The following TRMT44 variants were observed in gnomAD, a reference collection of about 807,000 sequenced individuals.
TRMT44 encodes the protein probable tRNA (uracil-O(2)-)-methyltransferase.
Under a neutral mutation model 77.3 loss-of-function variants are expected in TRMT44, and 78 were observed. The observed-to-expected ratio is 1.01, with a 90% CI of 0.84 to 1.22. The LOEUF is 1.22. Among genes scored for constraint, TRMT44 ranks in the 50% most tolerant of loss-of-function variants. TRMT44 has a pLI of 0.00. For synonymous variants in TRMT44, 391 were observed against 383.3 expected (o/e 1.02, Z -0.23); for missense variants, 1,090 against 964.4 (o/e 1.13, Z -1.73).
At position 8,471,191 on chromosome 4, in the gene TRMT44, G is replaced by T. The variant is rs1726969656; in HGVS notation, c.2035G>T (p.Val679Leu). 1 of 1,590,516 alleles carries T rather than the reference G, an allele frequency of 6.3e-7. No individual in the cohort carries two copies. Among genetic ancestry groups the T allele is most frequent in the Non-Finnish European group, 8.6e-7 (1 of 1,168,646 alleles). Residue 679 changes from valine to leucine, a missense_variant, in exon 10 of 11, where the codon GTG becomes TTG. Val to Leu is a conservative substitution (Grantham distance 32, BLOSUM62 1). Coordinates refer to ENST00000389737, the MANE Select transcript of TRMT44 (RefSeq NM_152544.3). ...GACGCTGCTCCGGAACAGCCACCAGGTGTTCCAAGGTACGGAGTCCGCCTC... is the reference window on the plus strand; with the variant it reads ...GACGCTGCTCCGGAACAGCCACCAGTTGTTCCAAGGTACGGAGTCCGCCTC... ...LQTLLRNSHQ[V>L]FQVVNGRVHI...
intron 2 of TRMT44, among the ~76,000 whole-genome samples, chr4:8,483,417 T>TTG (rs1553863252): frequency 2.0e-4 from 30 of 150,058 alleles, no homozygotes; most frequent in African/African-American, 5.7e-4. Context: ...CAAGTTTTTT[T>TTG]GGGGGGGGGC....
intron 2 of TRMT44, among the ~76,000 whole-genome samples, chr4:8,483,095 C>G (rs1044380897): frequency 6.6e-6 from 1 of 151,984 alleles, no homozygotes; most frequent in Non-Finnish European, 1.5e-5. Context: ...GGCCTGGATA[C>G]AGTTTTGTAT....
At chr4:8,441,967 T>C (rs1724746687) in intron 1 of TRMT44, among the ~76,000 whole-genome samples, 1 of 152,204 alleles carries the variant, frequency 6.6e-6, no homozygotes, top group Non-Finnish European at 1.5e-5. Context: ...ATACATGTCA[T>C]CTATAGCAGT....
the TRMT44 span, among the ~76,000 whole-genome samples, chr4:8,513,532 A>G: frequency 4.6e-5 from 7 of 152,228 alleles, no homozygotes; most frequent in Non-Finnish European, 8.8e-5. Flanking sequence ...GTGAAAATGG[A>G]TAAGTCAGAC....
chr4:8,446,423 T>C lies in TRMT44; in HGVS notation c.620-53T>C. On this transcript the variant is annotated intron_variant, in intron 1 of 10. Coordinates refer to ENST00000389737, the MANE Select transcript of TRMT44 (RefSeq NM_152544.3). The surrounding 1 kb of genome is among the most constrained non-coding windows in gnomAD (Gnocchi z 4.3). Reference sequence around the variant, plus strand: ...TCCCTATTTTTAATACTGCTTCTGATGAGACGGTAGCTAGGCAGTTGTAAT... The same window carrying C: ...TCCCTATTTTTAATACTGCTTCTGACGAGACGGTAGCTAGGCAGTTGTAAT... 1 of 1,164,014 alleles carries C rather than the reference T, an allele frequency of 8.6e-7. No individual in the cohort carries two copies. The highest frequency in any genetic ancestry group is 1.2e-6 in the Non-Finnish European group (1 of 810,436). The allele number at this position is 1,164,014 out of a possible 1,614,324, so 72.1% of individuals were successfully genotyped here.
intron 8 of TRMT44, 113 bp downstream of exon 8, chr4:8,465,674 G>C: frequency 1.1e-6 from 1 of 940,422 alleles, no homozygotes; most frequent in Non-Finnish European, 1.6e-6. Flanking sequence ...GTTCTAGAAC[G>C]TGCCGGTGCT....
At chr4:8,496,782 TTTTTTC>T (rs984713937), downstream of TRMT44, among the ~76,000 whole-genome samples, 5 of 152,176 alleles carry the variant, frequency 3.3e-5, no homozygotes, top group African/African-American at 9.6e-5. Flanking sequence ...CAGTGATTTT[TTTTTTC>T]TTTTTCTTTT....
chr4:8,484,971 C>T (rs1727758154), intron 2 of TRMT44, among the ~76,000 whole-genome samples: 1 of 152,078 alleles, frequency 6.6e-6, no homozygotes, highest in Non-Finnish European at 1.5e-5. Context: ...TACCCGATAT[C>T]CTTTGGAGAA....
chr4:8,462,387 G>A (rs1726215271), intron 6 of TRMT44, among the ~76,000 whole-genome samples: 1 of 151,012 alleles, frequency 6.6e-6, no homozygotes, highest in African/African-American at 2.4e-5. Context: ...CGCCAGCCTA[G>A]GCAACAAGAG....
intron 6 of TRMT44, among the ~76,000 whole-genome samples, chr4:8,462,629 T>G (rs1206681242): frequency 6.8e-6 from 1 of 146,622 alleles, no homozygotes; most frequent in East Asian, 2.1e-4. Context: ...TGCTTGAACC[T>G]GGGAAGCGGA....
chr4:8,464,783 A>G (rs1243304541), intron 7 of TRMT44, among the ~76,000 whole-genome samples: 1 of 152,238 alleles, frequency 6.6e-6, no homozygotes, highest in Non-Finnish European at 1.5e-5. Flanking sequence ...AAAAGTAATT[A>G]GATTCTATTG....
At chr4:8,490,899 C>T (rs1727980568) in intron 2 of TRMT44, among the ~76,000 whole-genome samples, 1 of 152,184 alleles carries the variant, frequency 6.6e-6, no homozygotes, top group South Asian at 2.1e-4. Context: ...TACAAAGGTT[C>T]TCCACGTCCC....
chr4:8,467,933 C>G lies in TRMT44; in HGVS notation c.1514C>G (p.Ser505Cys), dbSNP rs1174054286. 3 of 1,608,418 alleles carry G rather than the reference C, an allele frequency of 1.9e-6. No individual in the cohort carries two copies. The highest frequency in any genetic ancestry group is 2.6e-6 in the Non-Finnish European group (3 of 1,175,802). The change falls in exon 9 of 11, where the codon TCC (serine) becomes TGC (cysteine). Residue 505 changes from serine to cysteine, a missense_variant. By Grantham distance (112) the Ser-to-Cys change is moderately radical (BLOSUM62 -1). Transcript: ENST00000389737. ...STKRVCLVGK[S>C]RTYPSSREAS... ...ACGCAGGTCTGTCTCGTTGGAAAAT[C>G]CAGAACATACCCTTCCTCCAGAGAA... is the stretch of plus-strand genomic sequence containing the variant.
chr4:8,475,752 T>C lies in TRMT44; in HGVS notation c.2045-20T>C. On this transcript the variant is annotated intron_variant, in intron 10 of 10. Transcript: ENST00000389737. The stretch of plus-strand genomic sequence containing the variant: ...TTTCAGGTTTACTTCTCAGTGTGTC[T>C]TCTCTGTTCCAAACCACAGTTGTGA... 6.2e-7 allele frequency: 1 copy of C among 1,612,310 alleles called. No individual in the cohort carries two copies. Among genetic ancestry groups the C allele is most frequent in the Non-Finnish European group, 8.5e-7 (1 of 1,178,748 alleles).
intron 2 of TRMT44, among the ~76,000 whole-genome samples, chr4:8,487,788 C>T (rs893045024): frequency 6.6e-6 from 1 of 152,082 alleles, no homozygotes; most frequent in Middle Eastern, 3.2e-3. Flanking sequence ...TACCCCTCCC[C>T]CAGAAAAGCA....
At position 8,468,005 on chromosome 4, in the gene TRMT44, G is replaced by C. The variant is rs141272791; in HGVS notation, c.1586G>C (p.Gly529Ala). ...KRTQYIKSRR[G>A]CPVSPPGWEL... is the part of the protein sequence containing the mutation. ...ACTCAGTACATTAAGAGCAGGCGGGGCTGCCCTGTAAGCCCACCTGGCTGG... is the reference window on the plus strand; with the variant it reads ...ACTCAGTACATTAAGAGCAGGCGGGCCTGCCCTGTAAGCCCACCTGGCTGG... The change falls in exon 9 of 11, where the codon GGC becomes GCC. Residue 529 changes from glycine to alanine, a missense_variant. Gly to Ala is a moderately conservative substitution (Grantham distance 60, BLOSUM62 0). Coordinates refer to ENST00000389737, the MANE Select transcript of TRMT44 (RefSeq NM_152544.3). 1 of 1,614,078 alleles carries C rather than the reference G, an allele frequency of 6.2e-7. No homozygotes were observed. Among genetic ancestry groups the C allele is most frequent in the Non-Finnish European group, 8.5e-7 (1 of 1,180,040 alleles).
chr4:8,458,608 T>A (rs1725961077), intron 6 of TRMT44, among the ~76,000 whole-genome samples: 2 of 151,484 alleles, frequency 1.3e-5, no homozygotes, highest in African/African-American at 4.9e-5. Flanking sequence ...GTGCCCACCA[T>A]CATGCCCAGC....
chr4:8,447,338 T>C (rs560162729), intron 2 of TRMT44, among the ~76,000 whole-genome samples: 10 of 152,226 alleles, frequency 6.6e-5, no homozygotes, highest in Non-Finnish European at 1.3e-4. Context: ...TTCATACCGT[T>C]TGGTATTTTT....
At chr4:8,450,245 TTTA>T (rs1373273132) in intron 3 of TRMT44, among the ~76,000 whole-genome samples, 1 of 152,134 alleles carries the variant, frequency 6.6e-6, no homozygotes, top group Non-Finnish European at 1.5e-5. Context: ...TCACCCTTAA[TTTA>T]CATGAGGTAA....
Sources: gnomAD v4.1 joint callset for allele counts (sites outside exome capture counted in the v4.1 genomes callset) on GRCh38, gnomAD v4.1.1 for gene constraint, Gnocchi (gnomAD v3.1) non-coding constraint, MANE v1.5 for transcripts, NCBI Gene and HGNC (gene_info 2026-07-23, HGNC 2026-07-21) for gene names.